IPCEF1: variants seen among roughly 807,000 people sequenced by gnomAD.
IPCEF1 encodes the protein interactor protein for cytohesin exchange factors 1.
In IPCEF1, 31 loss-of-function variants were observed where a neutral mutation model predicts 50.9. The ratio of observed to expected loss-of-function variants is 0.61; its 90% CI spans 0.46 to 0.82. IPCEF1 has a LOEUF of 0.82. Ranked by LOEUF, IPCEF1 falls within the 40% of genes least tolerant of loss-of-function variation. The probability of loss-of-function intolerance (pLI) is 0.00; values close to 1 mark genes in which losing one functional copy is unlikely to be tolerated. For missense variants in IPCEF1, 458 were observed against 514.0 expected, an observed-to-expected ratio of 0.89 and a Z score of 1.05; for synonymous variants, 181 against 192.0, an observed-to-expected ratio of 0.94 and a Z score of 0.47.
intron 4 of IPCEF1, 46 bp downstream of exon 4, chr6:154,247,403 C>CA: frequency 2.0e-6 from 3 of 1,526,128 alleles, no homozygotes. Flanking sequence ...AAGCCACACT[C>CA]AACGTACACA....
At chr6:154,328,030 A>G (rs1334501761) in intron 1 of IPCEF1, among the ~76,000 whole-genome samples, 1 of 152,132 alleles carries the variant, frequency 6.6e-6, no homozygotes, top group Non-Finnish European at 1.5e-5. Flanking sequence ...ACATGGACAC[A>G]TGGGGGCTAA....
At chr6:154,349,442 T>C (rs941434820) in intron 1 of IPCEF1, among the ~76,000 whole-genome samples, 1 of 151,852 alleles carries the variant, frequency 6.6e-6, no homozygotes, top group African/African-American at 2.4e-5. Flanking sequence ...GCTTGGGCTG[T>C]TCTCAAACTC....
At chr6:154,322,373 A>AACAC (rs3039689) in intron 1 of IPCEF1, among the ~76,000 whole-genome samples, 9,300 of 123,750 alleles carry the variant, frequency 0.075, 642 homozygotes, top group East Asian at 0.4. Flanking sequence ...AAAAATTTTA[A>AACAC]ACACACACAC....
chr6:154,324,446 AATC>A, intron 1 of IPCEF1, among the ~76,000 whole-genome samples: 1 of 152,218 alleles, frequency 6.6e-6, no homozygotes, highest in East Asian at 1.9e-4. Flanking sequence ...ATAAAAAGAA[AATC>A]ATAAAACTAT....
chr6:154,241,022 G>T (rs575529024), intron 5 of IPCEF1, among the ~76,000 whole-genome samples: 2 of 152,010 alleles, frequency 1.3e-5, no homozygotes, highest in African/African-American at 4.8e-5. Context: ...CAAATCATGA[G>T]GTCAAGAGAT....
chr6:154,236,748 C>T (rs1021885738), intron 5 of IPCEF1, among the ~76,000 whole-genome samples: 3 of 152,130 alleles, frequency 2.0e-5, no homozygotes, highest in African/African-American at 7.2e-5. Context: ...GACATAGAGG[C>T]GAGGCCCAGA....
intron 1 of IPCEF1, among the ~76,000 whole-genome samples, chr6:154,347,404 G>A (rs900029987): frequency 6.6e-6 from 1 of 152,152 alleles, no homozygotes; most frequent in African/African-American, 2.4e-5. Flanking sequence ...TCTCATCAGA[G>A]AAAGGGAACT....
intron 10 of IPCEF1, among the ~76,000 whole-genome samples, chr6:154,178,549 C>T (rs1224977655): frequency 1.3e-5 from 2 of 152,066 alleles, no homozygotes; most frequent in Non-Finnish European, 2.9e-5. Context: ...GGTTGGGCAA[C>T]TGTGTATATG....
At chr6:154,282,098 A>G (rs75607993) in intron 2 of IPCEF1, among the ~76,000 whole-genome samples, 13,502 of 151,556 alleles carry the variant, frequency 0.089, 767 homozygotes, top group Middle Eastern at 0.16. Flanking sequence ...GAACCTGGGA[A>G]GCGGAGGTGG....
chr6:154,345,910 G>C (rs1784019187), intron 1 of IPCEF1, among the ~76,000 whole-genome samples: 1 of 152,082 alleles, frequency 6.6e-6, no homozygotes, highest in Non-Finnish European at 1.5e-5. Flanking sequence ...CTGTCACCCA[G>C]GTTAGAGTGT....
intron 1 of IPCEF1, among the ~76,000 whole-genome samples, chr6:154,313,851 C>T (rs116639431): frequency 6.0e-4 from 92 of 152,212 alleles, no homozygotes; most frequent in African/African-American, 2.0e-3. Context: ...TCAGGCAATC[C>T]TCCCTTCTCA....
At chr6:154,319,264 T>C (rs1386790388) in intron 1 of IPCEF1, among the ~76,000 whole-genome samples, 1 of 152,164 alleles carries the variant, frequency 6.6e-6, no homozygotes, top group Non-Finnish European at 1.5e-5. Flanking sequence ...CATGGTAAAT[T>C]TCAGACCTAT....
intron 6 of IPCEF1, among the ~76,000 whole-genome samples, chr6:154,222,122 T>C (rs1778913076): frequency 6.6e-6 from 1 of 152,216 alleles, no homozygotes; most frequent in African/African-American, 2.4e-5. Flanking sequence ...AGAAATCTTA[T>C]TCAAGGCACC....
intron 11 of IPCEF1, among the ~76,000 whole-genome samples, chr6:154,160,448 G>A (rs1798918078): frequency 6.6e-6 from 1 of 151,990 alleles, no homozygotes; most frequent in Non-Finnish European, 1.5e-5. Context: ...CTTTACCTAG[G>A]ACATATGGCA....
intron 10 of IPCEF1, among the ~76,000 whole-genome samples, chr6:154,179,425 C>T (rs911871514): frequency 5.9e-5 from 9 of 151,424 alleles, no homozygotes; most frequent in South Asian, 4.4e-4. Context: ...TCATAAAGAG[C>T]GAGGAAAAAA....
At chr6:154,246,935 CAAAAA>C (rs10543127) in intron 4 of IPCEF1, 175 bp from the exon 5 acceptor site, 303 of 251,754 alleles carry the variant, frequency 1.2e-3, no homozygotes, top group Middle Eastern at 3.3e-3. Context: ...AAAACCAATG[CAAAAA>C]AAAAAAAAAA....
chr6:154,298,484 T>C (rs1782716819), intron 1 of IPCEF1, among the ~76,000 whole-genome samples: 1 of 152,234 alleles, frequency 6.6e-6, no homozygotes, highest in Non-Finnish European at 1.5e-5. Context: ...GTCAATTATA[T>C]AATCTCGAAT....
At chr6:154,198,454 A>T (rs559478466) in intron 10 of IPCEF1, among the ~76,000 whole-genome samples, 1 of 152,232 alleles carries the variant, frequency 6.6e-6, no homozygotes, top group Admixed American at 6.5e-5. Flanking sequence ...AGTTCTTCTA[A>T]TCTAGATAGT....
intron 1 of IPCEF1, among the ~76,000 whole-genome samples, chr6:154,313,374 CAA>C (rs59870958): frequency 2.3e-5 from 3 of 127,994 alleles, no homozygotes; most frequent in Non-Finnish European, 3.3e-5. Context: ...GATTCTGTCT[CAA>C]AAAAAAAAAG....
Sources: allele counts gnomAD v4.1 joint callset (sites outside exome capture counted in the v4.1 genomes callset), GRCh38; gene constraint gnomAD v4.1.1; transcripts MANE v1.5; gene names NCBI Gene and HGNC (gene_info 2026-07-23, HGNC 2026-07-21).